ANKFN1: variants seen among roughly 807,000 people sequenced by gnomAD.
ANKFN1 encodes ankyrin repeat and fibronectin type III domain containing 1, also known as ankyrin repeat and fibronectin type-III domain-containing protein 1.
Under a neutral mutation model 108.7 loss-of-function variants are expected in ANKFN1, and 74 were observed. The ratio of observed to expected loss-of-function variants is 0.68; its 90% CI spans 0.56 to 0.83. The LOEUF is 0.83. Ranked by LOEUF, ANKFN1 falls within the 40% of genes least tolerant of loss-of-function variation. ANKFN1 has a pLI of 0.00. For synonymous variants in ANKFN1, 547 were observed against 516.2 expected (o/e 1.06, Z -0.81); for missense variants, 1,505 against 1,382.3 (o/e 1.09, Z -1.41).
intron 4 of ANKFN1, among the ~76,000 whole-genome samples, chr17:56,093,013 C>A (rs1905449745): frequency 6.6e-6 from 1 of 151,080 alleles, no homozygotes; most frequent in African/African-American, 2.4e-5. Context: ...GGCTAGCATG[C>A]CTTTTGATTA....
chr17:56,190,425 T>C (rs1226527933), intron 1 of ANKFN1, among the ~76,000 whole-genome samples: 1 of 121,208 alleles, frequency 8.3e-6, no homozygotes, highest in Non-Finnish European at 1.7e-5. Flanking sequence ...TTTGTTCTCG[T>C]TGGTTTCAAA....
chr17:56,350,855 C>T lies in ANKFN1; in HGVS notation c.278C>T (p.Ala93Val), dbSNP rs538479637. 18 of 1,613,860 alleles carry T rather than the reference C, an allele frequency of 1.1e-5. No individual in the cohort carries two copies. The East Asian group carries it at 3.3e-4, about 30-fold the overall frequency. Residue 93 changes from alanine (A) to valine (V), a missense_variant, in exon 5 of 21, where the codon GCC becomes GTC. By Grantham distance (64) the Ala-to-Val change is moderately conservative. Coordinates refer to ENST00000682825, the MANE Select transcript of ANKFN1 (RefSeq NM_001370326.1). ...AGTGCTCCCTCATCTCCCAACGCAGCCAAACGCCTGTACAGGAACCTCTCT... is the reference window on the plus strand; with the variant it reads ...AGTGCTCCCTCATCTCCCAACGCAGTCAAACGCCTGTACAGGAACCTCTCT... ...KHSAPSSPNA[A>V]KRLYRNLSEK... is the part of the protein sequence containing the mutation.
At chr17:56,119,877 T>C (rs999849680) in intron 4 of ANKFN1, among the ~76,000 whole-genome samples, 2 of 152,146 alleles carry the variant, frequency 1.3e-5, no homozygotes, top group African/African-American at 4.8e-5. Flanking sequence ...AAATAGCATA[T>C]GAAAAGTCAT....
chr17:56,126,733 G>T (rs770256763), intron 4 of ANKFN1, among the ~76,000 whole-genome samples: 1 of 152,174 alleles, frequency 6.6e-6, no homozygotes, highest in Non-Finnish European at 1.5e-5. Flanking sequence ...CTTAGCACTT[G>T]CTCCCAAGCC....
chr17:56,154,399 CT>C (rs1908890729), intron 1 of ANKFN1, among the ~76,000 whole-genome samples: 2 of 152,062 alleles, frequency 1.3e-5, no homozygotes, highest in Admixed American at 1.3e-4. Context: ...AGCTTAAGAC[CT>C]TTGAAAAAAC....
intron 4 of ANKFN1, among the ~76,000 whole-genome samples, chr17:56,349,944 G>A (rs979332692): frequency 6.6e-6 from 1 of 152,048 alleles, no homozygotes; most frequent in African/African-American, 2.4e-5. Context: ...ATATACACAT[G>A]CCAGGCAGCC....
intron 19 of ANKFN1, among the ~76,000 whole-genome samples, chr17:56,497,171 C>T (rs1166257314): frequency 2.0e-5 from 3 of 152,140 alleles, no homozygotes; most frequent in Non-Finnish European, 4.4e-5. Flanking sequence ...GCTGAGAGAA[C>T]AACAATCTCA....
chr17:56,066,940 C>T (rs1905065563), intron 4 of ANKFN1, among the ~76,000 whole-genome samples: 1 of 152,180 alleles, frequency 6.6e-6, no homozygotes. Flanking sequence ...CCTGTAATCC[C>T]AGCACTTTGG....
intron 19 of ANKFN1, among the ~76,000 whole-genome samples, chr17:56,497,418 G>C (rs117657764): frequency 0.015 from 2,302 of 152,182 alleles, 23 homozygotes; most frequent in Non-Finnish European, 0.024. Flanking sequence ...GAAAGCAGGG[G>C]AAAACGGCTG....
intron 2 of ANKFN1, among the ~76,000 whole-genome samples, chr17:56,218,113 A>C (rs1393977942): frequency 6.6e-6 from 1 of 151,820 alleles, no homozygotes; most frequent in Non-Finnish European, 1.5e-5. Flanking sequence ...CCCATTCTCC[A>C]GGCATCACCT....
At chr17:56,207,654 T>A (rs140964316) in intron 1 of ANKFN1, among the ~76,000 whole-genome samples, 1 of 152,308 alleles carries the variant, frequency 6.6e-6, no homozygotes, top group South Asian at 2.1e-4. Context: ...CAAACTCAGC[T>A]GTTTGTAAAG....
intron 1 of ANKFN1, among the ~76,000 whole-genome samples, chr17:56,186,466 T>A (rs1341059267): frequency 6.6e-6 from 1 of 152,222 alleles, no homozygotes; most frequent in African/African-American, 2.4e-5. Flanking sequence ...AAGCAGCTAC[T>A]AAGAATTGAT....
chr17:56,104,912 G>T (rs139257979), intron 4 of ANKFN1, among the ~76,000 whole-genome samples: 13 of 152,292 alleles, frequency 8.5e-5, no homozygotes, highest in Admixed American at 8.5e-4. Flanking sequence ...GCTTTGCAAA[G>T]CCTCCTTCAG....
chr17:56,271,017 TA>T (rs2043779013), intron 3 of ANKFN1, among the ~76,000 whole-genome samples: 1 of 152,134 alleles, frequency 6.6e-6, no homozygotes, highest in African/African-American at 2.4e-5. Flanking sequence ...TTTTTATTTT[TA>T]TTTTTTTTGG....
Position 56,424,309 on chromosome 17 carries a change from A to C in ANKFN1, c.911-16018A>C, listed in dbSNP as rs547582404. Among the ~76,000 whole-genome samples the C allele has an allele frequency of 8.5e-5, 13 of 152,338 alleles. No individual in the cohort carries two copies. The South Asian group carries it at 2.5e-3, about 29-fold the overall frequency. ...TGCTGTTTTCGTCACTTTTGAGTACATGCTGAAGTTTCATTAAACTGTGTG... is the reference window on the plus strand; with the variant it reads ...TGCTGTTTTCGTCACTTTTGAGTACCTGCTGAAGTTTCATTAAACTGTGTG... On this transcript the variant is annotated intron_variant, in intron 8 of 20. Transcript: ENST00000682825.
At chr17:56,048,298 ATTTTTACT>A (rs1032567717) in intron 4 of ANKFN1, among the ~76,000 whole-genome samples, 1 of 152,054 alleles carries the variant, frequency 6.6e-6, no homozygotes, top group Non-Finnish European at 1.5e-5. Context: ...TGCCCAAAGC[ATTTTTACT>A]TCCTGGGGGG....
chr17:56,212,286 A>G (rs901992386), intron 1 of ANKFN1, among the ~76,000 whole-genome samples: 2 of 151,934 alleles, frequency 1.3e-5, no homozygotes, highest in Non-Finnish European at 2.9e-5. Flanking sequence ...TTCTGTGTCT[A>G]TTGAGATCAC....
In ANKFN1 at chr17:56,130,101, C is replaced by T. The variant is rs919242786; in HGVS notation, c.288+83776C>T. On this transcript the variant is annotated intron_variant, in intron 4 of 12. Coordinates refer to the ANKFN1 transcript ENST00000635860. ...ACCTTCTCACTTCACATTGCTAATT[C>T]GAACAAGGCTTTATTTTTATATTTG... 2.0e-5 allele frequency among the ~76,000 whole-genome samples: 3 copies of T among 152,158 alleles called. No homozygotes were observed. The East Asian group carries it at 5.8e-4, about 29-fold the overall frequency.
At chr17:56,204,099 T>G (rs1333353825) in intron 1 of ANKFN1, among the ~76,000 whole-genome samples, 2 of 152,168 alleles carry the variant, frequency 1.3e-5, no homozygotes, top group African/African-American at 2.4e-5. Flanking sequence ...CAGGCTGAAG[T>G]GCAATGGCAC....
Sources: gnomAD v4.1 joint callset for allele counts (sites outside exome capture counted in the v4.1 genomes callset) on GRCh38, gnomAD v4.1.1 for gene constraint, MANE v1.5 for transcripts, NCBI Gene and HGNC (gene_info 2026-07-23, HGNC 2026-07-21) for gene names.